The following C12orf42 variants were observed in gnomAD, a reference collection of about 807,000 sequenced individuals.
C12orf42 encodes the protein chromosome 12 open reading frame 42.
A neutral mutation model predicts 21.6 loss-of-function variants in C12orf42; 25 were observed. The ratio of observed to expected loss-of-function variants is 1.16; its 90% CI spans 0.84 to 1.62. The LOEUF (loss-of-function observed/expected upper bound fraction) is 1.62, where lower values mean the gene tolerates loss of function less well. Ranked by LOEUF, C12orf42 falls within the 40% of genes most tolerant of loss-of-function variation. The pLI, the probability that C12orf42 is intolerant of heterozygous loss-of-function variation, is 0.00. For synonymous variants in C12orf42, 174 were observed against 175.0 expected (o/e 0.99, Z 0.05); for missense variants, 483 against 459.3 (o/e 1.05, Z -0.47).
chr12:103,431,114 G>T (rs539126112), intron 2 of C12orf42: 118 of 152,040 alleles, frequency 7.8e-4, no homozygotes, highest in African/African-American at 2.8e-3. Context: ...AAATACCAAG[G>T]TACTATGAGG....
the C12orf42 span, among the ~76,000 whole-genome samples, chr12:103,541,029 G>A: frequency 5.9e-5 from 9 of 152,010 alleles, no homozygotes; most frequent in South Asian, 2.1e-4. Context: ...TCAGCCTCCC[G>A]AGTAGCTGGG....
chr12:103,455,325 T>G (rs898744269), intron 2 of C12orf42, among the ~76,000 whole-genome samples: 2 of 152,304 alleles, frequency 1.3e-5, no homozygotes, highest in East Asian at 3.9e-4. Flanking sequence ...TGTAAAGCCA[T>G]GGCTCTTGTA....
downstream of C12orf42, among the ~76,000 whole-genome samples, chr12:103,234,052 A>G (rs183354339): frequency 6.6e-6 from 1 of 152,282 alleles, no homozygotes; most frequent in African/African-American, 2.4e-5. Context: ...CTTTTTCTAA[A>G]TCTATTGATA....
the C12orf42 span, among the ~76,000 whole-genome samples, chr12:103,146,845 C>T: frequency 6.6e-6 from 1 of 152,128 alleles, no homozygotes; most frequent in African/African-American, 2.4e-5. Context: ...GCATAAACCA[C>T]TGGGTAATGG....
chr12:103,329,853 T>C (rs561008251), intron 4 of C12orf42, among the ~76,000 whole-genome samples: 21 of 151,956 alleles, frequency 1.4e-4, no homozygotes, highest in African/African-American at 4.8e-4. Context: ...AATAGAAAAT[T>C]GTGATAAATA....
At chr12:103,423,264 C>A (rs574577995) in intron 2 of C12orf42, among the ~76,000 whole-genome samples, 44 of 152,324 alleles carry the variant, frequency 2.9e-4, no homozygotes, top group African/African-American at 1.1e-3. Context: ...CCCTCCCCCC[C>A]TTGGCCCCTG....
chr12:103,399,950 C>T (rs958262218), intron 3 of C12orf42, among the ~76,000 whole-genome samples: 2 of 151,940 alleles, frequency 1.3e-5, no homozygotes, highest in Admixed American at 6.6e-5. Context: ...ACGTACAGTG[C>T]ATAATATACC....
intron 3 of C12orf42, among the ~76,000 whole-genome samples, chr12:103,374,439 C>T (rs2045521418): frequency 6.6e-6 from 1 of 152,096 alleles, no homozygotes; most frequent in Non-Finnish European, 1.5e-5. Context: ...GCTATTTCAC[C>T]AGCATGAGGC....
At chr12:103,293,528 C>T (rs1252367500) in intron 4 of C12orf42, among the ~76,000 whole-genome samples, 3 of 152,142 alleles carry the variant, frequency 2.0e-5, no homozygotes, top group Non-Finnish European at 4.4e-5. Context: ...CTACAGGAAG[C>T]CTTCAATTAT....
intron 4 of C12orf42, among the ~76,000 whole-genome samples, chr12:103,354,478 A>C (rs1316481331): frequency 2.0e-5 from 3 of 152,120 alleles, no homozygotes; most frequent in South Asian, 2.1e-4. Context: ...GTTTGATAAC[A>C]ATCAATGCGG....
At chr12:103,355,005 T>G (rs1163717784) in intron 4 of C12orf42, among the ~76,000 whole-genome samples, 1 of 152,130 alleles carries the variant, frequency 6.6e-6, no homozygotes, top group South Asian at 2.1e-4. Context: ...ATATTAAACA[T>G]CACAGTGTAC....
the C12orf42 span, among the ~76,000 whole-genome samples, chr12:103,198,158 G>A: frequency 6.6e-6 from 1 of 152,212 alleles, no homozygotes; most frequent in Non-Finnish European, 1.5e-5. Context: ...AACAGGATCT[G>A]CATACACATT....
chr12:103,540,354 G>A, the C12orf42 span, among the ~76,000 whole-genome samples: 51 of 152,216 alleles, frequency 3.4e-4, no homozygotes, highest in Middle Eastern at 3.4e-3. Flanking sequence ...TATTATTACT[G>A]ATACTTTTGT....
chr12:103,408,505 T>A (rs2048592821), intron 2 of C12orf42, among the ~76,000 whole-genome samples: 1 of 152,172 alleles, frequency 6.6e-6, no homozygotes. Context: ...GATGAAAAGT[T>A]TCTTTTTATC....
chr12:103,171,088 G>T, the C12orf42 span, among the ~76,000 whole-genome samples: 1 of 151,980 alleles, frequency 6.6e-6, no homozygotes, highest in Non-Finnish European at 1.5e-5. Flanking sequence ...GAGCTTCTTA[G>T]CTCTTCTAGA....
the C12orf42 span, among the ~76,000 whole-genome samples, chr12:103,538,478 C>T: frequency 1.3e-5 from 2 of 152,144 alleles, no homozygotes; most frequent in African/African-American, 4.8e-5. Context: ...AGAAGGTGTC[C>T]ATTTAGAGTT....
At chr12:103,234,270 A>C (rs1344758413), downstream of C12orf42, among the ~76,000 whole-genome samples, 1 of 152,126 alleles carries the variant, frequency 6.6e-6, no homozygotes, top group Non-Finnish European at 1.5e-5. Context: ...ACTGTTGTTC[A>C]TGTGCTTAGG....
At chr12:103,074,196 G>T in the C12orf42 span, among the ~76,000 whole-genome samples, 1 of 152,102 alleles carries the variant, frequency 6.6e-6, no homozygotes, top group East Asian at 1.9e-4. Flanking sequence ...TGATCCAGAG[G>T]GCTGAGGATG....
At chr12:103,293,756 A>C (rs2036970485) in intron 4 of C12orf42, among the ~76,000 whole-genome samples, 1 of 152,178 alleles carries the variant, frequency 6.6e-6, no homozygotes, top group African/African-American at 2.4e-5. Flanking sequence ...ATATCATCAA[A>C]TATATTACTA....
Sources: gnomAD v4.1 joint callset for allele counts (sites outside exome capture counted in the v4.1 genomes callset) on GRCh38, gnomAD v4.1.1 for gene constraint, MANE v1.5 for transcripts, NCBI Gene and HGNC (gene_info 2026-07-23, HGNC 2026-07-21) for gene names.